DDX39B: variants seen among roughly 807,000 people sequenced by gnomAD.
DDX39B encodes DExD-box helicase 39B.
DDX39B carries 6 observed loss-of-function variants against 46.4 expected under a neutral mutation model. That is an observed-to-expected ratio of 0.13 (90% CI 0.07 to 0.26). The LOEUF (loss-of-function observed/expected upper bound fraction) is 0.26. Among genes scored for constraint, DDX39B ranks in the 10% least tolerant of loss-of-function variants. The probability of loss-of-function intolerance (pLI) is 1.00; values close to 1 mark genes in which losing one functional copy is unlikely to be tolerated. For missense variants in DDX39B, 185 were observed against 553.4 expected, an observed-to-expected ratio of 0.33 and a Z score of 6.68; for synonymous variants, 174 against 199.4, an observed-to-expected ratio of 0.87 and a Z score of 1.07.
At chr6:31,536,993 G>A (rs577508070) in intron 4 of DDX39B, among the ~76,000 whole-genome samples, 66 of 152,266 alleles carry the variant, frequency 4.3e-4, no homozygotes, top group Admixed American at 1.5e-3. Context: ...GGTGGCACAC[G>A]CCTATAATTC....
intron 3 of DDX39B, 83 bp downstream of exon 3, chr6:31,539,064 A>T: frequency 6.2e-7 from 1 of 1,610,620 alleles, no homozygotes; most frequent in Non-Finnish European, 8.5e-7. Context: ...ATGGCTCTGC[A>T]AGCATCATGT....
Position 31,530,349 on chromosome 6 carries a change from G to C in DDX39B, c.*85C>G. 1 of 1,520,914 alleles carries C rather than the reference G, an allele frequency of 6.6e-7. No individual in the cohort carries two copies. Among genetic ancestry groups the C allele is most frequent in the Non-Finnish European group, 9.0e-7 (1 of 1,108,116 alleles). The allele number at this position is 1,520,914 out of a possible 1,614,324, so 94.2% of individuals were successfully genotyped here. ...AGCCATGGGGTGGGGGCTGTCAGGG[G>C]TGGGGGCAGTAGTGTCTCCTTCACC... On this transcript the variant is annotated 3_prime_UTR_variant, in exon 11 of 11. Coordinates refer to ENST00000396172, the MANE Select transcript of DDX39B (RefSeq NM_004640.7). This position sits in a 1 kb window ranked among gnomAD's most constrained non-coding sequence, Gnocchi z 4.5.
At chr6:31,532,976 GT>G in intron 6 of DDX39B, 65 bp from the exon 7 acceptor site, 2 of 260,376 alleles carry the variant, frequency 7.7e-6, no homozygotes, top group Non-Finnish European at 7.6e-6. Context: ...ACCTGGGGGG[GT>G]GGAGGAAGTT....
intron 4 of DDX39B, among the ~76,000 whole-genome samples, chr6:31,537,541 CTT>C (rs1767920982): frequency 1.3e-5 from 2 of 152,214 alleles, no homozygotes; most frequent in South Asian, 4.1e-4. Context: ...ATCTCAAACT[CTT>C]TTCACACAAA....
rs768406725 is a variant in DDX39B at position 31,539,292 on chromosome 6, A to G, written c.212-18T>C. ...ATGCTGGACTAAAAGTTGGGGGGGGAGGAAGATAAATTAGACTTCAGTCTC... is the reference window on the plus strand; with the variant it reads ...ATGCTGGACTAAAAGTTGGGGGGGGGGGAAGATAAATTAGACTTCAGTCTC... On this transcript the variant is annotated intron_variant, in intron 2 of 10. Coordinates refer to ENST00000396172, the MANE Select transcript of DDX39B (RefSeq NM_004640.7). The G allele has an allele frequency of 1.7e-5, 27 of 1,605,262 alleles. No homozygotes were observed. Among genetic ancestry groups the G allele is most frequent in the Non-Finnish European group, 2.0e-5 (24 of 1,174,120 alleles).
Position 31,535,940 on chromosome 6 carries a change from G to C in DDX39B, c.617-455C>G, listed in dbSNP as rs1337042980. Among the ~76,000 whole-genome samples the C allele has an allele frequency of 6.6e-6, 1 of 152,064 alleles. No homozygotes were observed. The highest frequency in any genetic ancestry group is 1.5e-5 in the Non-Finnish European group (1 of 68,030). ...CCTTTATAGCTCACCATATAGAATT[G>C]CCAAAGATCATTTGTAATGACTTAT... On this transcript the variant is annotated intron_variant, in intron 5 of 10. Coordinates refer to ENST00000396172, the MANE Select transcript of DDX39B (RefSeq NM_004640.7). This position sits in a 1 kb window ranked among gnomAD's most constrained non-coding sequence, Gnocchi z 4.6.
chr6:31,538,703 A>C, intron 4 of DDX39B, 60 bp downstream of exon 4: 1 of 1,470,672 alleles, frequency 6.8e-7, no homozygotes, highest in Non-Finnish European at 9.2e-7. Flanking sequence ...TTGGCCTACA[A>C]GTTTCTTATC....
chr6:31,537,297 A>C (rs1167243144), intron 4 of DDX39B, among the ~76,000 whole-genome samples: 1 of 152,010 alleles, frequency 6.6e-6, no homozygotes, highest in Admixed American at 6.6e-5. Context: ...CTACTAAAAA[A>C]CAAAAAATAC....
chr6:31,540,186 G>C, intron 2 of DDX39B, 136 bp downstream of exon 2: 2 of 951,010 alleles, frequency 2.1e-6, no homozygotes, highest in Non-Finnish European at 1.6e-6. Flanking sequence ...TGGGATTACA[G>C]GCGTGAGCCA....
In DDX39B at chr6:31,531,025, T is replaced by G. The variant is rs1767101875; in HGVS notation, c.1122+28A>C. 6.2e-7 allele frequency: 1 copy of G among 1,612,276 alleles called. No individual in the cohort carries two copies. The highest frequency in any genetic ancestry group is 8.5e-7 in the Non-Finnish European group (1 of 1,179,128). ...AACAGAAAACAAGGGAATGGGAGAG[T>G]GGGATTTTTTCAGCCTGTGAGGTTT... On this transcript the variant is annotated intron_variant, in intron 9 of 10. Transcript: ENST00000396172. The surrounding 1 kb of genome is among the most constrained non-coding windows in gnomAD (Gnocchi z 5.8).
chr6:31,535,391 T>C lies in DDX39B; in HGVS notation c.711A>G (p.Pro237=). 3 of 1,613,478 alleles carry C rather than the reference T, an allele frequency of 1.9e-6. No individual in the cohort carries two copies. The highest frequency in any genetic ancestry group is 1.1e-5 in the South Asian group (1 of 91,074). ...FSATLSKEIR[P]VCRKFMQDPM... Reference sequence around the variant, plus strand: ...CATCTTGCATGAACTTGCGGCAGACTGGACGGATCTCTTTGCTCAAGGTAG... The same window carrying C: ...CATCTTGCATGAACTTGCGGCAGACCGGACGGATCTCTTTGCTCAAGGTAG... Residue 237 remains proline (P), a synonymous_variant, in exon 6 of 11, where the codon CCA becomes CCG. Coordinates refer to ENST00000396172, the MANE Select transcript of DDX39B (RefSeq NM_004640.7). This position sits in a 1 kb window ranked among gnomAD's most constrained non-coding sequence, Gnocchi z 4.6.
chr6:31,532,377 T>A (rs1223252747), intron 7 of DDX39B: 2 of 175,060 alleles, frequency 1.1e-5, no homozygotes, highest in Admixed American at 5.5e-5. Flanking sequence ...TATCTGGGAC[T>A]ACAGGCATAC....
Position 31,534,901 on chromosome 6 carries a change from T to C in DDX39B, c.735+466A>G. The C allele has an allele frequency of 7.5e-6, 2 of 268,322 alleles. No individual in the cohort carries two copies. The highest frequency in any genetic ancestry group is 1.5e-5 in the Non-Finnish European group (2 of 134,746). The allele number at this position is 268,322 out of a possible 1,614,324, so 16.6% of individuals were successfully genotyped here. On this transcript the variant is annotated intron_variant, in intron 6 of 10. Coordinates refer to ENST00000396172, the MANE Select transcript of DDX39B (RefSeq NM_004640.7). This position sits in a 1 kb window ranked among gnomAD's most constrained non-coding sequence, Gnocchi z 5.1. ...ATTCATTTGTGCTGATGCTCTTCTTTTGGACATGCCCTGCCATCTGTCTGT... is the reference window on the plus strand; with the variant it reads ...ATTCATTTGTGCTGATGCTCTTCTTCTGGACATGCCCTGCCATCTGTCTGT...
In DDX39B at chr6:31,531,634, A is replaced by G. The variant is rs1767177675; in HGVS notation, c.868-229T>C. On this transcript the variant is annotated intron_variant, in intron 7 of 10. Coordinates refer to ENST00000396172, the MANE Select transcript of DDX39B (RefSeq NM_004640.7). This position sits in a 1 kb window ranked among gnomAD's most constrained non-coding sequence, Gnocchi z 5.8. Reference sequence around the variant, plus strand: ...CCTCTGAGGTAGCACAGAGTTCAGAAATCAAAATTGCCAGACATGCTAGGA... The same window carrying G: ...CCTCTGAGGTAGCACAGAGTTCAGAGATCAAAATTGCCAGACATGCTAGGA... 1.9e-6 allele frequency: 1 copy of G among 535,314 alleles called. No homozygotes were observed. The highest frequency in any genetic ancestry group is 3.0e-5 in the East Asian group (1 of 33,178). The allele number at this position is 535,314 out of a possible 1,614,324, so 33.2% of individuals were successfully genotyped here. A position where few individuals can be genotyped will look rare whatever the true frequency, so the allele number is the denominator to read the frequency against.
At position 31,531,136 on chromosome 6, in the gene DDX39B, A is replaced by G. The variant is rs1175604539; in HGVS notation, c.1039T>C (p.Phe347Leu). Residue 347 changes from phenylalanine (F) to leucine (L), a missense_variant, in exon 9 of 11, where the codon TTT (phenylalanine) becomes CTT (leucine). This residue lies in a region of DDX39B where 110 missense variants were observed against 282.2 expected (regional missense o/e 0.39). Coordinates refer to ENST00000396172, the MANE Select transcript of DDX39B (RefSeq NM_004640.7). This position sits in a 1 kb window ranked among gnomAD's most constrained non-coding sequence, Gnocchi z 5.8. ...QRRILVATNL[F>L]GRGMDIERVN... ...CGCTCGATGTCCATGCCTCGGCCAA[A>G]TAGGTTGGTAGCCACAAGAATTCGT... 1 of 1,614,216 alleles carries G rather than the reference A, an allele frequency of 6.2e-7. No individual in the cohort carries two copies. Among genetic ancestry groups the G allele is most frequent in the African/African-American group, 1.3e-5 (1 of 75,042 alleles).
rs1767816580 is a variant in DDX39B at position 31,536,695 on chromosome 6, G to A, written c.433-12C>T. 6.2e-7 allele frequency: 1 copy of A among 1,611,180 alleles called. No individual in the cohort carries two copies. The highest frequency in any genetic ancestry group is 1.3e-5 in the African/African-American group (1 of 74,614). On this transcript the variant is annotated splice_polypyrimidine_tract_variant and intron_variant, in intron 4 of 10. Transcript: ENST00000396172. ...AAAAAAACAGCAACCTGCCGAGCCA[G>A]AAGCAAAGAGTCTCAAAACAGAGGA...
chr6:31,531,976 C>A lies in DDX39B; in HGVS notation c.868-571G>T, dbSNP rs114265209. 0.021 allele frequency among the ~76,000 whole-genome samples: 3,192 copies of A among 152,138 alleles called. 65 individuals are homozygous for A. The highest frequency in any genetic ancestry group is 0.073 in the South Asian group (351 of 4,814). Reference sequence around the variant, plus strand: ...GGGACCACAGGTGCACACCACCACGCCCAGCTACTTTTTTTATTTTTTATT... The same window carrying A: ...GGGACCACAGGTGCACACCACCACGACCAGCTACTTTTTTTATTTTTTATT... On this transcript the variant is annotated intron_variant, in intron 7 of 10. Coordinates refer to ENST00000396172, the MANE Select transcript of DDX39B (RefSeq NM_004640.7). This position sits in a 1 kb window ranked among gnomAD's most constrained non-coding sequence, Gnocchi z 5.8.
rs1314824204 is a variant in DDX39B, at chr6:31,531,019, GGA to G, written c.1122+32_1122+33del. ...TGTACAAACAGAAAACAAGGGAATG[GGA>G]GAGTGGGATTTTTTCAGCCTGTGAG... On this transcript the variant is annotated intron_variant, in intron 9 of 10. Transcript: ENST00000396172. The surrounding 1 kb of genome is among the most constrained non-coding windows in gnomAD (Gnocchi z 5.8). The G allele has an allele frequency of 3.1e-6, 5 of 1,613,848 alleles. No individual in the cohort carries two copies. Among genetic ancestry groups the G allele is most frequent in the Non-Finnish European group, 4.2e-6 (5 of 1,179,780 alleles).
In DDX39B at chr6:31,530,694, T is replaced by C; in HGVS notation, c.1270+85A>G. The C allele has an allele frequency of 2.0e-6, 3 of 1,520,978 alleles. No individual in the cohort carries two copies. The highest frequency in any genetic ancestry group is 2.7e-6 in the Non-Finnish European group (3 of 1,115,700). The allele number at this position is 1,520,978 out of a possible 1,614,324, so 94.2% of individuals were successfully genotyped here. On this transcript the variant is annotated intron_variant, in intron 10 of 10. Transcript: ENST00000396172. The surrounding 1 kb of genome is among the most constrained non-coding windows in gnomAD (Gnocchi z 4.5). Reference sequence around the variant, plus strand: ...AGTCAAGTGTCCATTATGCATCAGATGCCCATGACCTATGTGATGGGATTT... The same window carrying C: ...AGTCAAGTGTCCATTATGCATCAGACGCCCATGACCTATGTGATGGGATTT...
Sources: gnomAD v4.1 joint callset for allele counts (sites outside exome capture counted in the v4.1 genomes callset) on GRCh38, gnomAD v4.1.1 for gene constraint, gnomAD v4.1.1 regional missense constraint, Gnocchi (gnomAD v3.1) non-coding constraint, MANE v1.5 for transcripts, NCBI Gene and HGNC (gene_info 2026-07-23, HGNC 2026-07-21) for gene names.